Variants in KIAA1217 observed in about 807,000 individuals in gnomAD.
The protein encoded by KIAA1217 is KIAA1217.
A neutral mutation model predicts 163.9 loss-of-function variants in KIAA1217; 88 were observed. That is an observed-to-expected ratio of 0.54 (90% CI 0.45 to 0.64). The LOEUF is 0.64. KIAA1217 is among the 30% of genes least tolerant of loss of function. The pLI, the probability that KIAA1217 is intolerant of heterozygous loss-of-function variation, is 0.00. For synonymous variants in KIAA1217, 903 were observed against 923.1 expected, an observed-to-expected ratio of 0.98 and a Z score of 0.39; for missense variants, 2,372 against 2,475.0, an observed-to-expected ratio of 0.96 and a Z score of 0.88.
At chr10:23,822,445 G>A (rs1293795259) in intron 1 of KIAA1217, among the ~76,000 whole-genome samples, 1 of 152,216 alleles carries the variant, frequency 6.6e-6, no homozygotes, top group Admixed American at 6.5e-5. Flanking sequence ...ATAGGGAGCA[G>A]ACAAACAGGA....
intron 1 of KIAA1217, among the ~76,000 whole-genome samples, chr10:23,774,251 CA>C (rs1231276208): frequency 6.6e-6 from 1 of 152,182 alleles, no homozygotes; most frequent in East Asian, 1.9e-4. Context: ...ACTTCATATA[CA>C]GTTTATCCAG....
chr10:24,011,061 T>G (rs923487911), intron 2 of KIAA1217, among the ~76,000 whole-genome samples: 2 of 152,168 alleles, frequency 1.3e-5, no homozygotes, highest in African/African-American at 4.8e-5. Context: ...TTTAGCAGAC[T>G]AAGGCACTTG....
At chr10:24,485,850 A>G (rs865926295) in intron 6 of KIAA1217, among the ~76,000 whole-genome samples, 41 of 152,268 alleles carry the variant, frequency 2.7e-4, no homozygotes, top group Middle Eastern at 6.8e-3. Context: ...ACGTTAAGTG[A>G]CTTCTGAGTG....
In KIAA1217 at chr10:24,087,908, C is replaced by CCTGGCTAGCCAGT. The variant is rs1564685396; in HGVS notation, c.-171+80534_-171+80535insCTGGCTAGCCAGT. On this transcript the variant is annotated intron_variant, in intron 2 of 18. Coordinates refer to the KIAA1217 transcript ENST00000376462. ...ATTTTCTCTTTATGCCAGATCAGAG[C>CCTGGCTAGCCAGT]TGTGGTGGCCTCCCAAGCCTTCCCA... 3.8e-5 allele frequency among the ~76,000 whole-genome samples: 5 copies of CCTGGCTAGCCAGT among 132,274 alleles called. No homozygotes were observed. In the South Asian group the frequency reaches 7.2e-4, roughly 19 times the overall value. The allele number at this position is 132,274 out of a possible 152,430, so 86.8% of individuals were successfully genotyped here.
At chr10:23,770,404 G>T (rs549044963) in intron 1 of KIAA1217, among the ~76,000 whole-genome samples, 10 of 152,262 alleles carry the variant, frequency 6.6e-5, no homozygotes, top group African/African-American at 2.2e-4. Flanking sequence ...GTCTATGATT[G>T]CTTAAAATAT....
intron 1 of KIAA1217, among the ~76,000 whole-genome samples, chr10:24,216,796 C>T (rs1298207780): frequency 7.1e-6 from 1 of 140,950 alleles, no homozygotes; most frequent in Non-Finnish European, 1.5e-5. Context: ...CACTGCACTC[C>T]AGCCTGAGTG....
chr10:23,915,280 G>A (rs1012281586), intron 1 of KIAA1217, among the ~76,000 whole-genome samples: 1 of 152,124 alleles, frequency 6.6e-6, no homozygotes, highest in Non-Finnish European at 1.5e-5. Flanking sequence ...AGCAACCTTG[G>A]CAAAGGCAGT....
At chr10:24,155,061 G>A (rs938290222) in intron 2 of KIAA1217, among the ~76,000 whole-genome samples, 18 of 152,142 alleles carry the variant, frequency 1.2e-4, no homozygotes, top group South Asian at 6.2e-4. Flanking sequence ...AGGTGATGGC[G>A]ATGGTTGCAG....
intron 1 of KIAA1217, among the ~76,000 whole-genome samples, chr10:23,890,473 T>G (rs1841370430): frequency 6.6e-6 from 1 of 151,906 alleles, no homozygotes; most frequent in African/African-American, 2.4e-5. Context: ...TTGAAAGGCT[T>G]TCTCATTCAT....
intron 1 of KIAA1217, among the ~76,000 whole-genome samples, chr10:23,701,094 G>T (rs755462083): frequency 6.6e-6 from 1 of 152,186 alleles, no homozygotes; most frequent in Admixed American, 6.5e-5. Flanking sequence ...TTAGCACAGC[G>T]TCTGGCACTT....
chr10:24,027,698 C>T (rs961979118), intron 2 of KIAA1217, among the ~76,000 whole-genome samples: 1 of 152,042 alleles, frequency 6.6e-6, no homozygotes, highest in Non-Finnish European at 1.5e-5. Flanking sequence ...AAATTATTTA[C>T]AGACAATAAA....
intron 1 of KIAA1217, among the ~76,000 whole-genome samples, chr10:23,734,822 T>G (rs1838700104): frequency 6.8e-6 from 1 of 146,426 alleles, no homozygotes. Context: ...TACCTTTATT[T>G]TAAGTTCAGG....
intron 1 of KIAA1217, among the ~76,000 whole-genome samples, chr10:23,827,247 G>A (rs1263372199): frequency 6.6e-6 from 1 of 152,176 alleles, no homozygotes; most frequent in Non-Finnish European, 1.5e-5. Context: ...TGTTTTTAAA[G>A]CTGATTCCAG....
chr10:23,931,043 T>A (rs1288849710), intron 1 of KIAA1217, among the ~76,000 whole-genome samples: 1 of 152,198 alleles, frequency 6.6e-6, no homozygotes, highest in Non-Finnish European at 1.5e-5. Context: ...AATATTCTAT[T>A]AAATACTTTT....
intron 1 of KIAA1217, among the ~76,000 whole-genome samples, chr10:23,955,169 A>AG (rs1184115657): frequency 6.6e-6 from 1 of 152,186 alleles, no homozygotes; most frequent in Admixed American, 6.5e-5. Flanking sequence ...AAGTTCACAG[A>AG]GGGGGTAAGC....
At chr10:24,132,765 G>A (rs1042277619) in intron 2 of KIAA1217, among the ~76,000 whole-genome samples, 5 of 152,148 alleles carry the variant, frequency 3.3e-5, no homozygotes, top group East Asian at 1.9e-4. Flanking sequence ...AGAGGATTTC[G>A]TGAGGATAAT....
At chr10:23,728,727 G>A (rs12261503) in intron 1 of KIAA1217, among the ~76,000 whole-genome samples, 3 of 152,090 alleles carry the variant, frequency 2.0e-5, no homozygotes, top group South Asian at 2.1e-4. Context: ...TGACTAAAAC[G>A]CCAAAAGCAA....
At chr10:24,158,531 T>A (rs1192162023) in intron 2 of KIAA1217, 1 of 515,114 alleles carries the variant, frequency 1.9e-6, no homozygotes, top group Non-Finnish European at 4.0e-6. Context: ...TTTAGAGAAT[T>A]CATCATGATT....
intron 1 of KIAA1217, among the ~76,000 whole-genome samples, chr10:23,999,624 G>A (rs1006209860): frequency 2.0e-5 from 3 of 152,198 alleles, no homozygotes; most frequent in Non-Finnish European, 2.9e-5. Context: ...ATTAAGGGAT[G>A]AGGGGGTAGA....
Sources: allele counts gnomAD v4.1 joint callset (sites outside exome capture counted in the v4.1 genomes callset), GRCh38; gene constraint gnomAD v4.1.1; transcripts MANE v1.5; gene names NCBI Gene and HGNC (gene_info 2026-07-23, HGNC 2026-07-21).